CEP63: variants seen among roughly 807,000 people sequenced by gnomAD.
The protein encoded by CEP63 is centrosomal protein 63, also known as centrosomal protein of 63 kDa.
Under a neutral mutation model 89.1 loss-of-function variants are expected in CEP63, and 84 were observed. The ratio of observed to expected loss-of-function variants is 0.94; its 90% CI spans 0.79 to 1.13. CEP63 has a LOEUF of 1.13. CEP63 is among the 50% of genes most tolerant of loss of function. CEP63 has a pLI of 0.00. For synonymous variants in CEP63, 267 were observed against 272.5 expected (o/e 0.98, Z 0.20); for missense variants, 838 against 813.3 (o/e 1.03, Z -0.37).
At position 134,495,286 on chromosome 3, in the gene CEP63, T is replaced by C; in HGVS notation, c.-25-10T>C. On this transcript the variant is annotated splice_polypyrimidine_tract_variant and intron_variant, in intron 1 of 14. Coordinates refer to ENST00000675561, the MANE Select transcript of CEP63 (RefSeq NM_001353108.3). ...AATTGTCTCATGACTGATATTTTTTTCTTTGTCAGTTGCCAAAACAAAGGG... is the reference window on the plus strand; with the variant it reads ...AATTGTCTCATGACTGATATTTTTTCCTTTGTCAGTTGCCAAAACAAAGGG... The C allele has an allele frequency of 6.3e-7, 1 of 1,599,062 alleles. No homozygotes were observed. The highest frequency in any genetic ancestry group is 8.6e-7 in the Non-Finnish European group (1 of 1,166,426).
At chr3:134,752,685 C>CAAGGGAGA in the CEP63 span, among the ~76,000 whole-genome samples, 1 of 152,130 alleles carries the variant, frequency 6.6e-6, no homozygotes, top group Non-Finnish European at 1.5e-5. Flanking sequence ...AAAGCCAGGA[C>CAAGGGAGA]AAGGGAGAGG....
the CEP63 span, among the ~76,000 whole-genome samples, chr3:134,758,256 A>G: frequency 6.6e-6 from 1 of 152,216 alleles, no homozygotes; most frequent in African/African-American, 2.4e-5. Flanking sequence ...TACAGTACAT[A>G]TGCAGTAAAT....
At chr3:134,544,956 TCC>T (rs1022945325) in intron 6 of CEP63, among the ~76,000 whole-genome samples, 25 of 152,128 alleles carry the variant, frequency 1.6e-4, no homozygotes, top group Non-Finnish European at 3.2e-4. Context: ...CATGTGATCC[TCC>T]CATGCCACTG....
Position 134,545,676 on chromosome 3 carries a change from G to T in CEP63, c.646G>T (p.Ala216Ser). 6.2e-7 allele frequency: 1 copy of T among 1,614,074 alleles called. No individual in the cohort carries two copies. The highest frequency in any genetic ancestry group is 8.5e-7 in the Non-Finnish European group (1 of 1,179,992). ...ACACTTAAGCAGTAAACTGGAGCGG[G>T]CTAATGACACTATCTGTGCCAATGA... is the stretch of plus-strand genomic sequence containing the variant. The part of the protein sequence containing the change: ...IQHLSSKLER[A>S]NDTICANELE... The change falls in exon 7 of 15, where the codon GCT becomes TCT. Residue 216 changes from alanine (A) to serine (S), a missense_variant. Transcript: ENST00000675561.
chr3:134,722,295 ATTCTCCTATACTGTATATATACAGTACAG>A, the CEP63 span, among the ~76,000 whole-genome samples: 7 of 147,206 alleles, frequency 4.8e-5, no homozygotes, highest in Non-Finnish European at 9.0e-5. Flanking sequence ...ACAGTACAGT[ATTCTCCTATACTGTATATATACAGTACAG>A]TATTCTCCTA....
Position 134,558,329 on chromosome 3 carries a change from T to A in CEP63, c.1655T>A (p.Phe552Tyr), listed in dbSNP as rs1956667520. The A allele has an allele frequency of 6.2e-7, 1 of 1,612,118 alleles. No individual in the cohort carries two copies. Among genetic ancestry groups the A allele is most frequent in the Admixed American group, 1.7e-5 (1 of 59,874 alleles). ...FKPTHSRTTE[F>Y]KNTEFKPTHG... is the part of the protein sequence containing the mutation. ...CCAACACACAGCAGAACAACTGAGT[T>A]CAAGAATACAGAGTTCAAGTAAAAT... Residue 552 changes from phenylalanine (F) to tyrosine (Y), a missense_variant, in exon 13 of 15, where the codon TTC becomes TAC. Coordinates refer to ENST00000675561, the MANE Select transcript of CEP63 (RefSeq NM_001353108.3).
intron 6 of CEP63, among the ~76,000 whole-genome samples, 188 bp downstream of exon 6, chr3:134,537,456 G>A (rs972782491): frequency 3.9e-5 from 6 of 152,010 alleles, no homozygotes; most frequent in African/African-American, 9.7e-5. Flanking sequence ...CCTCACACAT[G>A]CGTGCATTCA....
chr3:134,756,386 C>G, the CEP63 span, among the ~76,000 whole-genome samples: 1 of 152,186 alleles, frequency 6.6e-6, no homozygotes, highest in East Asian at 1.9e-4. Flanking sequence ...CTCTGTTGCC[C>G]AGGCAGGAAT....
chr3:134,628,490 A>G, the CEP63 span, among the ~76,000 whole-genome samples: 1 of 152,200 alleles, frequency 6.6e-6, no homozygotes, highest in South Asian at 2.1e-4. Flanking sequence ...ATGCCCCTGA[A>G]GGCCACTTTA....
rs540187714 is a variant in CEP63, at chr3:134,524,621, T to C, written c.223-7224T>C. Among the ~76,000 whole-genome samples, 35 of 152,346 alleles carry C rather than the reference T, an allele frequency of 2.3e-4. No homozygotes were observed. The South Asian group carries it at 6.8e-3, about 30-fold the overall frequency. On this transcript the variant is annotated intron_variant, in intron 3 of 14. Transcript: ENST00000675561. ...GTTGAATTTTATCAAAAGCCTTTTC[T>C]GCATCTATTGAGATAATCATGTGGT...
At chr3:134,541,584 C>T (rs550502842) in intron 6 of CEP63, among the ~76,000 whole-genome samples, 82 of 146,562 alleles carry the variant, frequency 5.6e-4, no homozygotes, top group Middle Eastern at 3.5e-3. Flanking sequence ...GGCACAATCT[C>T]GGCTCGCTGC....
At chr3:134,646,766 G>C in the CEP63 span, among the ~76,000 whole-genome samples, 2 of 152,142 alleles carry the variant, frequency 1.3e-5, no homozygotes, top group Non-Finnish European at 2.9e-5. Flanking sequence ...CTCTACTGGG[G>C]CTCTGGGAGT....
At chr3:134,673,698 A>G in the CEP63 span, among the ~76,000 whole-genome samples, 17 of 151,930 alleles carry the variant, frequency 1.1e-4, no homozygotes, top group Middle Eastern at 3.4e-3. Flanking sequence ...TTTCCTTCTG[A>G]GTCCTCAATT....
chr3:134,629,387 C>G, the CEP63 span: 1 of 523,494 alleles, frequency 1.9e-6, no homozygotes, highest in Non-Finnish European at 3.4e-6. Context: ...GTGTCTTCAG[C>G]TAAATGTCTG....
chr3:134,698,000 C>T, the CEP63 span, among the ~76,000 whole-genome samples: 3 of 152,198 alleles, frequency 2.0e-5, no homozygotes, highest in South Asian at 6.2e-4. Flanking sequence ...ACAGCATGAA[C>T]ATACAGGTTG....
At position 134,546,372 on chromosome 3, in the gene CEP63, A is replaced by AT. The variant is rs1953322824; in HGVS notation, c.929+88dup. The AT allele has an allele frequency of 3.1e-6, 4 of 1,301,954 alleles. No individual in the cohort carries two copies. The Middle Eastern group carries it at 8.3e-4, about 269-fold the overall frequency. The allele number at this position is 1,301,954 out of a possible 1,614,324, so 80.7% of individuals were successfully genotyped here. On this transcript the variant is annotated intron_variant, in intron 8 of 14. Transcript: ENST00000675561. The stretch of plus-strand genomic sequence containing the variant: ...TAGGCTTATTTTTATTTTTATTTTT[A>AT]TTTTATTTTCAGATAGTCTCCTGTT...
chr3:134,650,284 T>C, the CEP63 span, among the ~76,000 whole-genome samples: 2 of 152,346 alleles, frequency 1.3e-5, no homozygotes, highest in South Asian at 4.1e-4. Flanking sequence ...CTGCGTTCCT[T>C]TTACGCCTTT....
chr3:134,521,495 G>C (rs1213115709), intron 3 of CEP63, among the ~76,000 whole-genome samples: 1 of 152,116 alleles, frequency 6.6e-6, no homozygotes, highest in East Asian at 1.9e-4. Flanking sequence ...GACTTAGCAT[G>C]TTTGCTTTCT....
At chr3:134,529,966 T>G (rs1333068501) in intron 3 of CEP63, among the ~76,000 whole-genome samples, 3 of 150,592 alleles carry the variant, frequency 2.0e-5, no homozygotes, top group Non-Finnish European at 2.9e-5. Flanking sequence ...CTCCGTCCTC[T>G]GGGTTCACAC....
Sources: gnomAD v4.1 joint callset for allele counts (sites outside exome capture counted in the v4.1 genomes callset) on GRCh38, gnomAD v4.1.1 for gene constraint, MANE v1.5 for transcripts, NCBI Gene and HGNC (gene_info 2026-07-23, HGNC 2026-07-21) for gene names.